The following GLYATL2 variants were observed in gnomAD, a reference collection of about 807,000 sequenced individuals.
The protein encoded by GLYATL2 is glycine-N-acyltransferase like 2, also known as glycine N-acyltransferase-like protein 2.
GLYATL2 carries 25 observed loss-of-function variants against 21.4 expected under a neutral mutation model. The ratio of observed to expected loss-of-function variants is 1.17; its 90% CI spans 0.85 to 1.63. GLYATL2 has a LOEUF of 1.63. Ranked by LOEUF, GLYATL2 falls within the 40% of genes most tolerant of loss-of-function variation. The probability of loss-of-function intolerance (pLI) is 0.00; values close to 1 mark genes in which losing one functional copy is unlikely to be tolerated. For missense variants in GLYATL2, 361 were observed against 343.3 expected (o/e 1.05, Z -0.41); for synonymous variants, 114 against 118.2 (o/e 0.96, Z 0.23).
chr11:58,906,788 A>T (rs988950192), upstream of GLYATL2, among the ~76,000 whole-genome samples: 2 of 152,174 alleles, frequency 1.3e-5, no homozygotes, highest in African/African-American at 4.8e-5. Context: ...GGTTACCTTC[A>T]TAGGTTCTGG....
chr11:58,840,271 C>A (rs1853522462), intron 1 of GLYATL2, among the ~76,000 whole-genome samples: 1 of 152,052 alleles, frequency 6.6e-6, no homozygotes, highest in South Asian at 2.1e-4. Flanking sequence ...AGACCAAACT[C>A]TTTTATTCAG....
intron 1 of GLYATL2, among the ~76,000 whole-genome samples, chr11:58,844,082 T>C (rs955387084): frequency 2.6e-5 from 4 of 151,998 alleles, no homozygotes; most frequent in African/African-American, 7.2e-5. Flanking sequence ...AGAAGCAGGA[T>C]TGGAGGCAAG....
intron 1 of GLYATL2, among the ~76,000 whole-genome samples, chr11:58,873,279 C>T (rs1034934596): frequency 1.3e-5 from 2 of 151,674 alleles, no homozygotes; most frequent in African/African-American, 2.4e-5. Context: ...CCCTTTATTT[C>T]CTTCTCCTGC....
At chr11:58,855,679 A>G (rs1853816044) in intron 1 of GLYATL2, among the ~76,000 whole-genome samples, 1 of 152,242 alleles carries the variant, frequency 6.6e-6, no homozygotes, top group Non-Finnish European at 1.5e-5. Context: ...AAAGTCCTTG[A>G]TGGCATCTTC....
chr11:58,858,108 G>A (rs754274205), intron 1 of GLYATL2, among the ~76,000 whole-genome samples: 5 of 152,132 alleles, frequency 3.3e-5, no homozygotes, highest in South Asian at 2.1e-4. Context: ...TGAATGTAGC[G>A]TGCGTTTGAG....
intron 1 of GLYATL2, among the ~76,000 whole-genome samples, chr11:58,897,402 C>T (rs1369777271): frequency 1.3e-5 from 2 of 152,128 alleles, no homozygotes; most frequent in Non-Finnish European, 2.9e-5. Flanking sequence ...TCCAAGGTCA[C>T]CCCTGTGGAT....
intron 1 of GLYATL2, among the ~76,000 whole-genome samples, chr11:58,871,837 T>C (rs1854127032): frequency 6.6e-6 from 1 of 152,220 alleles, no homozygotes; most frequent in Non-Finnish European, 1.5e-5. Flanking sequence ...TTTCTAGTTC[T>C]AGATGCCTGA....
chr11:58,839,423 GATTCTCAC>G, intron 2 of GLYATL2, 104 bp downstream of exon 2: 1 of 594,838 alleles, frequency 1.7e-6, no homozygotes, highest in Non-Finnish European at 2.9e-6. Context: ...TCTTTGCACA[GATTCTCAC>G]TTTAGACTTG....
At chr11:58,881,193 A>G (rs1174864424) in intron 1 of GLYATL2, among the ~76,000 whole-genome samples, 5 of 152,228 alleles carry the variant, frequency 3.3e-5, no homozygotes, top group Admixed American at 3.3e-4. Context: ...TACATTGTGT[A>G]ATCTCATTCC....
rs1590709713 is a variant in GLYATL2 at position 58,834,455 on chromosome 11, T to C, written c.859A>G (p.Lys287Glu). The stretch of plus-strand genomic sequence containing the variant: ...CAACAATATTTCTTGGGGGTGCATT[T>C]CCACTGATGCCAGCCACAAGGACAA... ...KICPCGWHQW[K>E]CTPKKYC The change falls in exon 6 of 6, where the codon AAA (lysine) becomes GAA (glutamate). Residue 287 changes from lysine to glutamate, a missense_variant. By Grantham distance (56) the Lys-to-Glu change is moderately conservative (BLOSUM62 1). Coordinates refer to ENST00000287275, the MANE Select transcript of GLYATL2 (RefSeq NM_145016.4). 1.3e-6 allele frequency: 2 copies of C among 1,599,860 alleles called. No homozygotes were observed. Among genetic ancestry groups the C allele is most frequent in the Non-Finnish European group, 1.7e-6 (2 of 1,173,726 alleles).
chr11:58,879,136 T>C (rs1221224635), intron 1 of GLYATL2, among the ~76,000 whole-genome samples: 1 of 150,846 alleles, frequency 6.6e-6, no homozygotes, highest in Non-Finnish European at 1.5e-5. Flanking sequence ...ATTTATTCTG[T>C]TTTCATAATT....
chr11:58,901,675 C>T (rs1185442227), intron 1 of GLYATL2, among the ~76,000 whole-genome samples: 1 of 152,074 alleles, frequency 6.6e-6, no homozygotes, highest in Non-Finnish European at 1.5e-5. Context: ...ACCTGACAGC[C>T]TTTCCCTCCC....
intron 5 of GLYATL2, 100 bp from the exon 6 acceptor site, chr11:58,834,937 C>A (rs938720895): frequency 2.4e-6 from 2 of 850,526 alleles, no homozygotes; most frequent in Non-Finnish European, 1.8e-6. Context: ...AAGGACCCTA[C>A]AGCCTGGAGG....
chr11:58,903,357 T>C (rs1854771533), intron 1 of GLYATL2, among the ~76,000 whole-genome samples: 1 of 152,158 alleles, frequency 6.6e-6, no homozygotes, highest in African/African-American at 2.4e-5. Flanking sequence ...TCTTCTCCCT[T>C]TTAATTTTCC....
chr11:58,855,888 C>G (rs575633654), intron 1 of GLYATL2, among the ~76,000 whole-genome samples: 95 of 152,304 alleles, frequency 6.2e-4, no homozygotes, highest in Admixed American at 2.5e-3. Context: ...CTTTGGGAGG[C>G]TGAGTTTGGT....
At chr11:58,901,918 G>A (rs1209751181) in intron 1 of GLYATL2, among the ~76,000 whole-genome samples, 2 of 152,162 alleles carry the variant, frequency 1.3e-5, no homozygotes, top group African/African-American at 4.8e-5. Flanking sequence ...CCAGCCACAT[G>A]TTGGTCCCAA....
intron 1 of GLYATL2, among the ~76,000 whole-genome samples, chr11:58,876,947 C>T (rs1854245622): frequency 6.6e-6 from 1 of 152,272 alleles, no homozygotes; most frequent in Non-Finnish European, 1.5e-5. Flanking sequence ...CCAGTTCGAG[C>T]TTCCAGGCCA....
chr11:58,907,797 A>T, upstream of GLYATL2: 1 of 181,834 alleles, frequency 5.5e-6, no homozygotes, highest in Non-Finnish European at 1.2e-5. Flanking sequence ...CATGGAAACC[A>T]TTTCATACTT....
At chr11:58,850,521 A>G (rs1353314172) in intron 1 of GLYATL2, among the ~76,000 whole-genome samples, 1 of 152,170 alleles carries the variant, frequency 6.6e-6, no homozygotes, top group Non-Finnish European at 1.5e-5. Flanking sequence ...ATAACCCAGG[A>G]AAAACCAGGC....
Sources: gnomAD v4.1 joint callset for allele counts (sites outside exome capture counted in the v4.1 genomes callset) on GRCh38, gnomAD v4.1.1 for gene constraint, MANE v1.5 for transcripts, NCBI Gene and HGNC (gene_info 2026-07-23, HGNC 2026-07-21) for gene names.